ZNF768: variants seen among roughly 807,000 people sequenced by gnomAD.
The protein encoded by ZNF768 is zinc finger protein 768.
Under a neutral mutation model 39.7 loss-of-function variants are expected in ZNF768, and 12 were observed. The observed-to-expected ratio is 0.30, with a 90% CI of 0.19 to 0.49. ZNF768 has a LOEUF of 0.49. ZNF768 is among the 20% of genes least tolerant of loss of function. ZNF768 has a pLI of 0.99. For synonymous variants in ZNF768, 360 were observed against 288.4 expected, an observed-to-expected ratio of 1.25 and a Z score of -2.52; for missense variants, 613 against 723.2, an observed-to-expected ratio of 0.85 and a Z score of 1.75.
At position 30,526,270 on chromosome 16, in the gene ZNF768, C is replaced by T. The variant is rs569370137; in HGVS notation, c.88+56G>A. Reference sequence around the variant, plus strand: ...CGGGCCCTCGCTCCCTCCCTGGAGCCACAGCCCCTTCTCCTGCGCGCAAGT... The same window carrying T: ...CGGGCCCTCGCTCCCTCCCTGGAGCTACAGCCCCTTCTCCTGCGCGCAAGT... On this transcript the variant is annotated intron_variant, in intron 1 of 1. Coordinates refer to ENST00000380412, the MANE Select transcript of ZNF768 (RefSeq NM_024671.4). The T allele has an allele frequency of 2.8e-4, 451 of 1,603,126 alleles. 3 individuals are homozygous for T. In the South Asian group the frequency reaches 4.2e-3, roughly 15 times the overall value.
At chr16:30,526,231 A>G in intron 1 of ZNF768, 95 bp downstream of exon 1, 1 of 1,565,780 alleles carries the variant, frequency 6.4e-7, no homozygotes. Flanking sequence ...TTCGAGTCCC[A>G]GGTGTCCCAG....
At chr16:30,529,982 T>G (rs1237334546), upstream of ZNF768, among the ~76,000 whole-genome samples, 3 of 151,958 alleles carry the variant, frequency 2.0e-5, no homozygotes, top group African/African-American at 7.3e-5. Context: ...TGCCACCATG[T>G]CAGGCTAATT....
In ZNF768 at chr16:30,525,738, CCCGGGGCTCCGAGGTTCATAG is replaced by C. The variant is rs1874414629; in HGVS notation, c.381_401del (p.Pro137_Glu143del). ...CATAGCCAGGGCTCCGGGGTTCATA[CCCGGGGCTCCGAGGTTCATAG>C]CCAGGGCTTTGGGGTTCATACCTAG... On this transcript the variant is annotated inframe_deletion, in exon 2 of 2. Coordinates refer to ENST00000380412, the MANE Select transcript of ZNF768 (RefSeq NM_024671.4). 1 of 1,607,754 alleles carries C rather than the reference CCCGGGGCTCCGAGGTTCATAG, an allele frequency of 6.2e-7. No individual in the cohort carries two copies. Among genetic ancestry groups the C allele is most frequent in the Non-Finnish European group, 8.5e-7 (1 of 1,177,430 alleles).
At position 30,525,766 on chromosome 16, in the gene ZNF768, C is replaced by A. The variant is rs1468505215; in HGVS notation, c.374G>T (p.Ser125Ile). 1 of 1,591,382 alleles carries A rather than the reference C, an allele frequency of 6.3e-7. No individual in the cohort carries two copies. Among genetic ancestry groups the A allele is most frequent in the Non-Finnish European group, 8.5e-7 (1 of 1,171,234 alleles). Reference protein sequence around the residue: ...ESQSPRYEPQSPGYEPRSPGY... With the variant: ...ESQSPRYEPQIPGYEPRSPGY... ...GGGGCTCCGAGGTTCATAGCCAGGG[C>A]TTTGGGGTTCATACCTAGGGCTCTG... Residue 125 changes from serine to isoleucine, a missense_variant, in exon 2 of 2, where the codon AGC becomes ATC. Ser to Ile is a moderately radical substitution (Grantham distance 142, BLOSUM62 -2). Transcript: ENST00000380412.
At chr16:30,526,602 C>G, upstream of ZNF768, 2 of 1,011,860 alleles carry the variant, frequency 2.0e-6, no homozygotes. Flanking sequence ...GGGCCCCTCC[C>G]CTGCCCGCGG....
chr16:30,527,496 G>A, upstream of ZNF768: 1 of 211,362 alleles, frequency 4.7e-6, no homozygotes. Flanking sequence ...GTTAATGGTC[G>A]CCAGGGAACG....
At chr16:30,527,042 C>T, upstream of ZNF768, 1 of 985,462 alleles carries the variant, frequency 1.0e-6, no homozygotes, top group Non-Finnish European at 1.2e-6. Context: ...CTCCCGGGCC[C>T]CGCGTCGTCG....
At chr16:30,526,798 C>A, upstream of ZNF768, 1 of 832,964 alleles carries the variant, frequency 1.2e-6, no homozygotes, top group Non-Finnish European at 1.4e-6. Flanking sequence ...CCAGCACCCC[C>A]CCACCCTCCC....
At chr16:30,530,480 G>A (rs1406426768), upstream of ZNF768, 1 of 152,228 alleles carries the variant, frequency 6.6e-6, no homozygotes, top group East Asian at 1.9e-4. The surrounding 1 kb of genome is among the most constrained non-coding windows in gnomAD (Gnocchi z 4.4). Flanking sequence ...GCTGTGTTGA[G>A]GGTTAGGGGA....
chr16:30,527,366 G>A (rs982733624), upstream of ZNF768: 1 of 961,452 alleles, frequency 1.0e-6, no homozygotes. Context: ...AGTTGCCAAG[G>A]AGACAGCCCC....
In ZNF768 at chr16:30,525,947, A is replaced by ACCCAGGGCTCTGGGGTTCAAG; in HGVS notation, c.172_192dup (p.Leu58_Gly64dup). 6.6e-7 allele frequency: 1 copy of ACCCAGGGCTCTGGGGTTCAAG among 1,513,308 alleles called. No homozygotes were observed. Among genetic ancestry groups the ACCCAGGGCTCTGGGGTTCAAG allele is most frequent in the Non-Finnish European group, 8.8e-7 (1 of 1,133,822 alleles). 93.7% of individuals were successfully genotyped at this position (1,513,308 alleles called of 1,614,324 possible). A position where few individuals can be genotyped will look rare whatever the true frequency, so the allele number is the denominator to read the frequency against. On this transcript the variant is annotated inframe_insertion, in exon 2 of 2. Transcript: ENST00000380412. ...TCAAACTCTGGGCTTTGTGGCTCAA[A>ACCCAGGGCTCTGGGGTTCAAG]CCCAGGGCTCTGGGGTTCAAGCCCA...
upstream of ZNF768, chr16:30,526,640 C>A: frequency 1.0e-6 from 1 of 974,702 alleles, no homozygotes. Flanking sequence ...GTCTCGGCCT[C>A]CCCGTGGCCC....
At chr16:30,526,291 C>A (rs1330888306) in intron 1 of ZNF768, 35 bp downstream of exon 1, 4 of 1,608,124 alleles carry the variant, frequency 2.5e-6, no homozygotes, top group Admixed American at 3.4e-5. Context: ...CTCCTGCGCG[C>A]AAGTCCACTC....
At chr16:30,529,302 T>C (rs34453065), upstream of ZNF768, among the ~76,000 whole-genome samples, 2,575 of 152,362 alleles carry the variant, frequency 0.017, 44 homozygotes, top group South Asian at 0.048. Flanking sequence ...TCCATGAGGA[T>C]GAGCCCTGTG....
upstream of ZNF768, chr16:30,526,798 C>G (rs2051332073): frequency 2.4e-6 from 2 of 832,872 alleles, no homozygotes; most frequent in African/African-American, 2.1e-5. Context: ...CCAGCACCCC[C>G]CCACCCTCCC....
Position 30,524,221 on chromosome 16 carries a change from T to A in ZNF768, c.*296A>T. ...TTAGGTAATCCCCTGCCCTCCCCCC[T>A]CCCTGCTCTAGCAGTTGCCAAGCCA... is the stretch of plus-strand genomic sequence containing the variant. On this transcript the variant is annotated 3_prime_UTR_variant, in exon 2 of 2. Coordinates refer to ENST00000380412, the MANE Select transcript of ZNF768 (RefSeq NM_024671.4). 1 of 157,314 alleles carries A rather than the reference T, an allele frequency of 6.4e-6. No individual in the cohort carries two copies. The highest frequency in any genetic ancestry group is 1.2e-5 in the Non-Finnish European group (1 of 82,614). 9.7% of individuals were successfully genotyped at this position (157,314 alleles called of 1,614,324 possible).
chr16:30,527,049 G>C, upstream of ZNF768: 1 of 985,386 alleles, frequency 1.0e-6, no homozygotes, highest in Non-Finnish European at 1.2e-6. Flanking sequence ...GCCCCGCGTC[G>C]TCGGTGCGTG....
chr16:30,526,038 C>G lies in ZNF768; in HGVS notation c.102G>C (p.Glu34Asp), dbSNP rs2051319779. Reference sequence around the variant, plus strand: ...GCTGAGAAATTTCCTCTTCCTCATTCTCACTCATGTTGCCTGCAGGATGAG... The same window carrying G: ...GCTGAGAAATTTCCTCTTCCTCATTGTCACTCATGTTGCCTGCAGGATGAG... ...PEGYLRGNMS[E>D]NEEEEISQQE... Residue 34 changes from glutamate (E) to aspartate (D), a missense_variant, in exon 2 of 2, where the codon GAG becomes GAC. Glu to Asp is a conservative substitution (Grantham distance 45). Coordinates refer to ENST00000380412, the MANE Select transcript of ZNF768 (RefSeq NM_024671.4). The G allele has an allele frequency of 1.3e-6, 2 of 1,497,986 alleles. No individual in the cohort carries two copies. The highest frequency in any genetic ancestry group is 1.4e-5 in the African/African-American group (1 of 70,810). The allele number at this position is 1,497,986 out of a possible 1,614,324, so 92.8% of individuals were successfully genotyped here. A position where few individuals can be genotyped will look rare whatever the true frequency, so the allele number is the denominator to read the frequency against.
In ZNF768 at chr16:30,525,028, C is replaced by A; in HGVS notation, c.1112G>T (p.Arg371Leu). ...LRHQRTHSHERPYSCTECGKC... is the reference protein window; with the variant it reads ...LRHQRTHSHELPYSCTECGKC... ...GCCGCACTCGGTGCAGCTGTAGGGCCGCTCGTGGCTGTGGGTGCGCTGGTG... is the reference window on the plus strand; with the variant it reads ...GCCGCACTCGGTGCAGCTGTAGGGCAGCTCGTGGCTGTGGGTGCGCTGGTG... The change falls in exon 2 of 2, where the codon CGG becomes CTG. Residue 371 changes from arginine to leucine, a missense_variant. Arg to Leu is a moderately radical substitution (Grantham distance 102, BLOSUM62 -2). This residue lies in a region of ZNF768 where 204 missense variants were observed against 281.7 expected (regional missense o/e 0.72). Transcript: ENST00000380412. The A allele has an allele frequency of 6.2e-7, 1 of 1,614,134 alleles. No individual in the cohort carries two copies. Among genetic ancestry groups the A allele is most frequent in the Non-Finnish European group, 8.5e-7 (1 of 1,180,022 alleles).
Sources: allele counts gnomAD v4.1 joint callset (sites outside exome capture counted in the v4.1 genomes callset), GRCh38; gene constraint gnomAD v4.1.1; regional missense constraint gnomAD v4.1.1; non-coding constraint Gnocchi (gnomAD v3.1); transcripts MANE v1.5; gene names NCBI Gene and HGNC (gene_info 2026-07-23, HGNC 2026-07-21).